The following ROBO2 variants were observed in gnomAD, a reference collection of about 807,000 sequenced individuals.
ROBO2 encodes the protein roundabout homolog 2.
Under a neutral mutation model 160.8 loss-of-function variants are expected in ROBO2, and 53 were observed. The ratio of observed to expected loss-of-function variants is 0.33; its 90% CI spans 0.26 to 0.41. The LOEUF is 0.41. Ranked by LOEUF, ROBO2 falls within the 10% of genes least tolerant of loss-of-function variation. The pLI, the probability that ROBO2 is intolerant of heterozygous loss-of-function variation, is 1.00. For missense variants in ROBO2, 1,577 were observed against 1,722.4 expected (o/e 0.92, Z 1.49); for synonymous variants, 664 against 611.7 (o/e 1.09, Z -1.26).
At chr3:76,092,171 G>A (rs945666336) in intron 2 of ROBO2, among the ~76,000 whole-genome samples, 1 of 152,026 alleles carries the variant, frequency 6.6e-6, no homozygotes, top group African/African-American at 2.4e-5. Flanking sequence ...CGCATGTGTG[G>A]GGACAAAAAG....
In ROBO2 at chr3:76,740,884, T is replaced by C. The variant is rs191242364; in HGVS notation, c.110-357130T>C. On this transcript the variant is annotated intron_variant, in intron 2 of 26. Coordinates refer to the ROBO2 transcript ENST00000487694. ...AATTAAATAACTGCATGAGCAAAAA[T>C]AGTTATTCTGTTTTGGGTGTTTATA... Among the ~76,000 whole-genome samples the C allele has an allele frequency of 3.0e-3, 460 of 152,196 alleles. 2 individuals are homozygous for C. Among genetic ancestry groups the C allele is most frequent in the African/African-American group, 0.01 (427 of 41,572 alleles).
upstream of ROBO2, among the ~76,000 whole-genome samples, chr3:77,037,701 A>C (rs1310745509): frequency 6.6e-6 from 1 of 152,184 alleles, no homozygotes; most frequent in African/African-American, 2.4e-5. Context: ...AGTTTACTTA[A>C]GGAAAGGCAT....
At chr3:76,444,194 G>C (rs1373925366) in intron 2 of ROBO2, among the ~76,000 whole-genome samples, 1 of 152,010 alleles carries the variant, frequency 6.6e-6, no homozygotes, top group African/African-American at 2.4e-5. Context: ...TGGTCAGGCT[G>C]GTCTCAAGCT....
At chr3:77,193,448 G>GTTTTTTTTTTTTTTT (rs552295952) in intron 2 of ROBO2, among the ~76,000 whole-genome samples, 1 of 121,612 alleles carries the variant, frequency 8.2e-6, no homozygotes. Context: ...GCCCAGCTAA[G>GTTTTTTTTTTTTTTT]TTTTTTTTTT....
chr3:77,545,490 T>C (rs914958822), intron 6 of ROBO2, among the ~76,000 whole-genome samples: 2 of 152,146 alleles, frequency 1.3e-5, no homozygotes, highest in Non-Finnish European at 2.9e-5. Context: ...ATAACTTAAA[T>C]TCTCTTCCAC....
chr3:76,216,548 C>G (rs982225656), intron 2 of ROBO2, among the ~76,000 whole-genome samples: 5 of 152,036 alleles, frequency 3.3e-5, no homozygotes, highest in Admixed American at 1.3e-4. Context: ...CAACAAAGAT[C>G]AAAAGAGACA....
chr3:76,668,502 T>C (rs917129827), intron 2 of ROBO2, among the ~76,000 whole-genome samples: 11 of 152,118 alleles, frequency 7.2e-5, no homozygotes, highest in African/African-American at 2.7e-4. Flanking sequence ...ATTTATGTCC[T>C]ACCCAAAGAC....
chr3:76,573,914 T>G (rs2085118505), intron 2 of ROBO2, among the ~76,000 whole-genome samples: 1 of 152,098 alleles, frequency 6.6e-6, no homozygotes, highest in Non-Finnish European at 1.5e-5. Context: ...TTTAAATGCT[T>G]TCTCCTTCAG....
At chr3:77,040,362 G>A (rs890562142) in exon 1 of ROBO2, 4 of 1,003,050 alleles carry the variant, frequency 4.0e-6, no homozygotes, top group Non-Finnish European at 4.8e-6. Flanking sequence ...ATGGTTTTTC[G>A]GCAGCGCGCT....
intron 2 of ROBO2, among the ~76,000 whole-genome samples, chr3:77,259,801 A>G (rs781461312): frequency 3.3e-5 from 5 of 152,160 alleles, no homozygotes; most frequent in Admixed American, 6.5e-5. Flanking sequence ...TTTGACCCCA[A>G]CCTCTAGCTG....
chr3:76,482,282 A>T (rs542069928), intron 2 of ROBO2, among the ~76,000 whole-genome samples: 1 of 152,266 alleles, frequency 6.6e-6, no homozygotes, highest in African/African-American at 2.4e-5. Flanking sequence ...TGATATCAAC[A>T]ATTATTAGAA....
At chr3:76,715,294 C>T (rs962071145) in intron 2 of ROBO2, among the ~76,000 whole-genome samples, 1 of 152,040 alleles carries the variant, frequency 6.6e-6, no homozygotes, top group Non-Finnish European at 1.5e-5. Context: ...GCTTTTGTTA[C>T]GAAGAATACC....
chr3:76,248,018 C>T lies in ROBO2; in HGVS notation c.109+310416C>T, dbSNP rs368181650. 4.1e-3 allele frequency among the ~76,000 whole-genome samples: 625 copies of T among 150,854 alleles called. 6 individuals carry two copies. Among genetic ancestry groups the T allele is most frequent in the Admixed American group, 0.025 (380 of 15,196 alleles). On this transcript the variant is annotated intron_variant, in intron 2 of 26. Coordinates refer to the ROBO2 transcript ENST00000487694. ...AGGTGCTGGAGAGGATGTGGAGAAACAGGAACACTTTTACACTGTTGGTGG... is the reference window on the plus strand; with the variant it reads ...AGGTGCTGGAGAGGATGTGGAGAAATAGGAACACTTTTACACTGTTGGTGG...
At chr3:76,778,340 G>A (rs2108577129) in intron 2 of ROBO2, among the ~76,000 whole-genome samples, 1 of 151,262 alleles carries the variant, frequency 6.6e-6, no homozygotes, top group Non-Finnish European at 1.5e-5. Flanking sequence ...CATGGGTCTA[G>A]TTCTAGTGTG....
chr3:76,281,583 G>A (rs1428543273), intron 2 of ROBO2, among the ~76,000 whole-genome samples: 1 of 151,632 alleles, frequency 6.6e-6, no homozygotes, highest in African/African-American at 2.4e-5. Context: ...GTCGTGTTAA[G>A]TTCTAACTTA....
intron 2 of ROBO2, among the ~76,000 whole-genome samples, chr3:76,138,301 C>A (rs1303909533): frequency 2.0e-5 from 3 of 151,740 alleles, no homozygotes. Context: ...ATTAAAAAAA[C>A]AAGCTACAAA....
intron 2 of ROBO2, among the ~76,000 whole-genome samples, chr3:77,289,942 G>T (rs572546128): frequency 4.7e-4 from 71 of 152,022 alleles, no homozygotes; most frequent in African/African-American, 1.7e-3. Context: ...AAACGGGTAA[G>T]CTGAGGCTAG....
intron 2 of ROBO2, among the ~76,000 whole-genome samples, chr3:76,372,359 A>T (rs1474001960): frequency 6.6e-6 from 1 of 151,920 alleles, no homozygotes; most frequent in African/African-American, 2.4e-5. Context: ...ACATGTACCT[A>T]GTACAATCTA....
chr3:76,333,768 T>C (rs1490037936), intron 2 of ROBO2, among the ~76,000 whole-genome samples: 1 of 152,178 alleles, frequency 6.6e-6, no homozygotes. Flanking sequence ...GACATTTGGG[T>C]TGGTTCCAAG....
Sources: gnomAD v4.1 joint callset for allele counts (sites outside exome capture counted in the v4.1 genomes callset) on GRCh38, gnomAD v4.1.1 for gene constraint, MANE v1.5 for transcripts, NCBI Gene and HGNC (gene_info 2026-07-23, HGNC 2026-07-21) for gene names.